The following BFAR variants were observed in gnomAD, a reference collection of about 807,000 sequenced individuals.
The protein encoded by BFAR is RING finger protein 47.
Under a neutral mutation model 54.4 loss-of-function variants are expected in BFAR, and 52 were observed. The observed-to-expected ratio is 0.96, with a 90% CI of 0.77 to 1.21. The LOEUF (loss-of-function observed/expected upper bound fraction) is 1.21. Ranked by LOEUF, BFAR falls within the 50% of genes most tolerant of loss-of-function variation. The pLI, the probability that BFAR is intolerant of heterozygous loss-of-function variation, is 0.00. For missense variants in BFAR, 571 were observed against 534.0 expected, an observed-to-expected ratio of 1.07 and a Z score of -0.68; for synonymous variants, 215 against 204.3, an observed-to-expected ratio of 1.05 and a Z score of -0.45.
rs543364888 is a variant in BFAR, at chr16:14,665,920, G to C, written c.1160+849G>C. Among the ~76,000 whole-genome samples the C allele has an allele frequency of 1.6e-4, 24 of 152,214 alleles. No individual in the cohort carries two copies. In the South Asian group the frequency reaches 1.7e-3, roughly 11 times the overall value. On this transcript the variant is annotated intron_variant, in intron 7 of 7. Transcript: ENST00000261658. ...CTAATCCTGATCTGTAACCAACTAG[G>C]ATAATAATAACTTAGGCTTCAAGCA...
intron 5 of BFAR, among the ~76,000 whole-genome samples, 172 bp from the exon 6 acceptor site, chr16:14,661,720 A>G (rs1348767453): frequency 1.3e-5 from 2 of 152,180 alleles, no homozygotes; most frequent in Non-Finnish European, 2.9e-5. Context: ...GAATCTTTAT[A>G]CAATGTAACC....
intron 1 of BFAR, among the ~76,000 whole-genome samples, chr16:14,640,451 G>A (rs1453907996): frequency 6.6e-6 from 1 of 151,474 alleles, no homozygotes; most frequent in Admixed American, 6.6e-5. Flanking sequence ...CCAGATCTCT[G>A]GGTTTTTGTT....
At chr16:14,634,562 C>T (rs1959373843) in intron 1 of BFAR, among the ~76,000 whole-genome samples, 1 of 152,218 alleles carries the variant, frequency 6.6e-6, no homozygotes, top group African/African-American at 2.4e-5. Context: ...GGCTCCGCAG[C>T]TCACGCCTGT....
intron 3 of BFAR, 41 bp from the exon 4 acceptor site, chr16:14,649,763 C>G (rs963342807): frequency 1.3e-6 from 2 of 1,527,144 alleles, no homozygotes; most frequent in African/African-American, 1.4e-5. Context: ...ACTGGCATCT[C>G]TGCCTCTCCA....
chr16:14,652,583 T>C (rs925366720), intron 4 of BFAR, among the ~76,000 whole-genome samples: 26 of 152,064 alleles, frequency 1.7e-4, no homozygotes, highest in African/African-American at 6.0e-4. Flanking sequence ...ACCTGGCAAA[T>C]ATATATTTTT....
chr16:14,652,505 T>A (rs960551761), intron 4 of BFAR, among the ~76,000 whole-genome samples: 1 of 151,774 alleles, frequency 6.6e-6, no homozygotes, highest in Non-Finnish European at 1.5e-5. Flanking sequence ...GGTCTGAAAC[T>A]CCTGACCTCT....
intron 4 of BFAR, among the ~76,000 whole-genome samples, chr16:14,653,310 TTG>T (rs991069725): frequency 6.6e-6 from 1 of 152,122 alleles, no homozygotes; most frequent in Admixed American, 6.6e-5. Flanking sequence ...TTGTGTTTTC[TTG>T]TGTGTGTTTT....
At chr16:14,659,571 G>A (rs1294007057) in intron 5 of BFAR, among the ~76,000 whole-genome samples, 2 of 145,112 alleles carry the variant, frequency 1.4e-5, no homozygotes, top group African/African-American at 5.1e-5. Flanking sequence ...TTTTTTTTGA[G>A]ATGGAGTCTC....
At chr16:14,644,986 A>C (rs1244156429) in intron 2 of BFAR, among the ~76,000 whole-genome samples, 1 of 152,198 alleles carries the variant, frequency 6.6e-6, no homozygotes, top group East Asian at 1.9e-4. Context: ...GAAGGAAAGA[A>C]AGAAAGTCTG....
intron 2 of BFAR, among the ~76,000 whole-genome samples, chr16:14,645,752 C>G (rs1467973369): frequency 2.0e-5 from 3 of 152,184 alleles, no homozygotes; most frequent in African/African-American, 7.2e-5. Context: ...AAGAGCCCTA[C>G]AATTTAAGCT....
At chr16:14,646,687 A>G (rs1596974478) in intron 2 of BFAR, among the ~76,000 whole-genome samples, 1 of 144,022 alleles carries the variant, frequency 6.9e-6, no homozygotes, top group African/African-American at 2.6e-5. Flanking sequence ...TCGTAGAGAC[A>G]GAGTTTCTCC....
In BFAR at chr16:14,644,341, TAA is replaced by T; in HGVS notation, c.-5_-4del. On this transcript the variant is annotated 5_prime_UTR_variant, in exon 2 of 8. It removes the in-frame stop codon of an upstream open reading frame in the 5' UTR. Transcript: ENST00000261658. ...TATGTCTCTGGAACCCAGAATTTGC[TAA>T]GAGATGGAGGAACCTCAGAAAAGCT... 1.2e-6 allele frequency: 2 copies of T among 1,610,146 alleles called. No homozygotes were observed. Among genetic ancestry groups the T allele is most frequent in the Non-Finnish European group, 8.5e-7 (1 of 1,176,702 alleles).
intron 3 of BFAR, among the ~76,000 whole-genome samples, chr16:14,648,802 GAGAAAGGTGGT>G (rs1380435853): frequency 2.6e-5 from 4 of 152,160 alleles, no homozygotes; most frequent in Non-Finnish European, 4.4e-5. Flanking sequence ...CTAGTAAATG[GAGAAAGGTGGT>G]AGAACTGGAA....
Position 14,669,058 on chromosome 16 carries a change from C to T in BFAR, c.*1231C>T, listed in dbSNP as rs1202908545. 4.4e-6 allele frequency: 2 copies of T among 455,064 alleles called. No individual in the cohort carries two copies. Among genetic ancestry groups the T allele is most frequent in the South Asian group, 1.6e-5 (1 of 64,416 alleles). 28.2% of individuals were successfully genotyped at this position (455,064 alleles called of 1,614,324 possible). A position where few individuals can be genotyped will look rare whatever the true frequency, so the allele number is the denominator to read the frequency against. On this transcript the variant is annotated 3_prime_UTR_variant, in exon 8 of 8. Transcript: ENST00000261658. ...TGTGAACACAGCAGGTGTGAGATGTCATCTTGGAAGACAGGCCTTGCAGAA... is the reference window on the plus strand; with the variant it reads ...TGTGAACACAGCAGGTGTGAGATGTTATCTTGGAAGACAGGCCTTGCAGAA...
intron 4 of BFAR, chr16:14,650,222 C>G: frequency 3.1e-6 from 1 of 321,340 alleles, no homozygotes; most frequent in Non-Finnish European, 5.6e-6. Context: ...CCCATCTATT[C>G]GGGAGGCTGA....
At position 14,661,938 on chromosome 16, in the gene BFAR, G is replaced by A; in HGVS notation, c.830G>A (p.Ser277Asn). 1 of 1,614,122 alleles carries A rather than the reference G, an allele frequency of 6.2e-7. No individual in the cohort carries two copies. The part of the protein sequence containing the change: ...RSLFLLYALK[S>N]SPRLSLLYLY... ...CTGTTCCTGCTATACGCCCTCAAGA[G>A]CTCCCCCAGGCTGAGTCTGCTCTAC... is the stretch of plus-strand genomic sequence containing the variant. Residue 277 changes from serine (S) to asparagine (N), a missense_variant, in exon 6 of 8, where the codon AGC becomes AAC. Transcript: ENST00000261658.
intron 2 of BFAR, among the ~76,000 whole-genome samples, chr16:14,645,432 AGTT>A (rs1959764382): frequency 6.6e-6 from 1 of 152,200 alleles, no homozygotes; most frequent in African/African-American, 2.4e-5. Flanking sequence ...ACATTAATAG[AGTT>A]TCTCATGTGT....
chr16:14,633,742 T>C (rs1028330579), intron 1 of BFAR, among the ~76,000 whole-genome samples: 1 of 152,314 alleles, frequency 6.6e-6, no homozygotes, highest in Middle Eastern at 3.4e-3. Context: ...AACCTCCGCC[T>C]CCCAGGTTCA....
At chr16:14,661,324 A>G (rs1424780975) in intron 5 of BFAR, among the ~76,000 whole-genome samples, 1 of 147,420 alleles carries the variant, frequency 6.8e-6, no homozygotes, top group Non-Finnish European at 1.5e-5. Context: ...TAAAAAGGCT[A>G]TATTCTGCAA....
Sources: gnomAD v4.1 joint callset for allele counts (sites outside exome capture counted in the v4.1 genomes callset) on GRCh38, gnomAD v4.1.1 for gene constraint, MANE v1.5 for transcripts, NCBI Gene and HGNC (gene_info 2026-07-23, HGNC 2026-07-21) for gene names.